Variants in ZNF333 observed in about 807,000 individuals in gnomAD.
ZNF333 encodes the protein zinc finger protein 333.
A neutral mutation model predicts 76.1 loss-of-function variants in ZNF333; 61 were observed. The observed-to-expected ratio is 0.80, with a 90% confidence interval of 0.65 to 0.99. The LOEUF (loss-of-function observed/expected upper bound fraction) is 0.99. Ranked by LOEUF, ZNF333 falls within the 50% of genes least tolerant of loss-of-function variation. The probability of loss-of-function intolerance (pLI) is 0.00; values close to 1 mark genes in which losing one functional copy is unlikely to be tolerated. For synonymous variants in ZNF333, 284 were observed against 305.0 expected, an observed-to-expected ratio of 0.93 and a Z score of 0.72; for missense variants, 717 against 822.4, an observed-to-expected ratio of 0.87 and a Z score of 1.57.
intron 4 of ZNF333, among the ~76,000 whole-genome samples, chr19:14,696,355 C>T (rs1973189178): frequency 6.6e-6 from 1 of 152,162 alleles, no homozygotes; most frequent in Non-Finnish European, 1.5e-5. Flanking sequence ...ATTACCCCTC[C>T]CTCAGCCCCT....
chr19:14,708,498 C>A, intron 7 of ZNF333: 1 of 398,370 alleles, frequency 2.5e-6, no homozygotes, highest in Non-Finnish European at 4.5e-6. Context: ...TCTCAGGGGA[C>A]GGGAGAGTTC....
intron 7 of ZNF333, among the ~76,000 whole-genome samples, chr19:14,714,442 C>T (rs1006756533): frequency 2.0e-5 from 3 of 152,082 alleles, no homozygotes; most frequent in Non-Finnish European, 4.4e-5. Flanking sequence ...TGGCCGCCAC[C>T]AGAAGCCAGG....
Position 14,699,190 on chromosome 19 carries a change from T to C in ZNF333, c.224-9T>C. On this transcript the variant is annotated splice_polypyrimidine_tract_variant and intron_variant, in intron 4 of 11. Coordinates refer to ENST00000292530, the MANE Select transcript of ZNF333 (RefSeq NM_032433.4). ...GAAAGGAGTTCATTTTTTCTCCCAT[T>C]CATTTCAGCCTGGGAATCTCAACTT... 6.2e-7 allele frequency: 1 copy of C among 1,611,290 alleles called. No homozygotes were observed. Among genetic ancestry groups the C allele is most frequent in the Non-Finnish European group, 8.5e-7 (1 of 1,177,592 alleles).
chr19:14,719,603 T>C lies in ZNF333; in HGVS notation c.*278T>C. ...TGGATGAGTTTGACAGATGCATACA[T>C]GCATGTAACCACCACCCCATTCCAG... On this transcript the variant is annotated 3_prime_UTR_variant, in exon 12 of 12. Transcript: ENST00000292530. 8.6e-7 allele frequency: 1 copy of C among 1,157,506 alleles called. No homozygotes were observed. The highest frequency in any genetic ancestry group is 1.1e-6 in the Non-Finnish European group (1 of 928,124). 71.7% of individuals were successfully genotyped at this position (1,157,506 alleles called of 1,614,324 possible). A position where few individuals can be genotyped will look rare whatever the true frequency, so the allele number is the denominator to read the frequency against.
chr19:14,722,464 G>T, downstream of ZNF333, among the ~76,000 whole-genome samples: 1 of 152,140 alleles, frequency 6.6e-6, no homozygotes, highest in East Asian at 1.9e-4. Context: ...TTAGTTTTTT[G>T]TTGTTGTTGA....
intron 3 of ZNF333, 95 bp from the exon 4 acceptor site, chr19:14,695,471 T>C: frequency 8.4e-7 from 1 of 1,195,104 alleles, no homozygotes; most frequent in Admixed American, 1.9e-5. Flanking sequence ...GAAGCCCATA[T>C]TGAAGCTGAA....
intron 7 of ZNF333, chr19:14,714,667 C>G (rs2042374628): frequency 6.6e-6 from 1 of 152,372 alleles, no homozygotes; most frequent in South Asian, 2.1e-4. Flanking sequence ...GGGAAAGGTC[C>G]CATCGGGAGG....
At chr19:14,698,330 T>A (rs575642737) in intron 4 of ZNF333, among the ~76,000 whole-genome samples, 2 of 131,782 alleles carry the variant, frequency 1.5e-5, no homozygotes, top group African/African-American at 5.9e-5. Context: ...GCCGAGATCA[T>A]GCCATTGTAC....
intron 7 of ZNF333, chr19:14,708,491 CAG>C (rs1355960510): frequency 1.3e-5 from 4 of 319,276 alleles, no homozygotes; most frequent in African/African-American, 1.2e-4. Flanking sequence ...GACTTCATCT[CAG>C]GGGACGGGAG....
intron 10 of ZNF333, 121 bp from the exon 11 acceptor site, chr19:14,717,535 CG>C: frequency 1.3e-6 from 1 of 766,670 alleles, no homozygotes; most frequent in Admixed American, 2.4e-5. Context: ...AATTTCTTCC[CG>C]TACATAGGAC....
Position 14,719,486 on chromosome 19 carries a change from T to A in ZNF333, c.*161T>A. 1 of 1,113,972 alleles carries A rather than the reference T, an allele frequency of 9.0e-7. No individual in the cohort carries two copies. Among genetic ancestry groups the A allele is most frequent in the Admixed American group, 3.2e-5 (1 of 31,450 alleles). The allele number at this position is 1,113,972 out of a possible 1,614,324, so 69.0% of individuals were successfully genotyped here. A position where few individuals can be genotyped will look rare whatever the true frequency, so the allele number is the denominator to read the frequency against. ...GTTTATTCTTTGACCCATCTATTAT[T>A]TGGAATTAGATTTTTCAAAACTAAT... On this transcript the variant is annotated 3_prime_UTR_variant, in exon 12 of 12. Coordinates refer to ENST00000292530, the MANE Select transcript of ZNF333 (RefSeq NM_032433.4).
chr19:14,699,844 T>C (rs1815707704), intron 5 of ZNF333, among the ~76,000 whole-genome samples: 1 of 152,076 alleles, frequency 6.6e-6, no homozygotes. Context: ...AGAAGCCCCA[T>C]TGTGAATAGG....
chr19:14,717,122 C>G, intron 10 of ZNF333, 33 bp downstream of exon 10: 1 of 1,565,318 alleles, frequency 6.4e-7, no homozygotes, highest in Non-Finnish European at 8.7e-7. Context: ...AGCATCAGCT[C>G]TGGTCAGTAA....
chr19:14,712,820 C>A (rs2042317379), intron 7 of ZNF333, among the ~76,000 whole-genome samples: 1 of 152,194 alleles, frequency 6.6e-6, no homozygotes, highest in African/African-American at 2.4e-5. Flanking sequence ...CAACTCATTA[C>A]ATCTGCAACA....
In ZNF333 at chr19:14,695,052, G is replaced by A. The variant is rs1024137105; in HGVS notation, c.46G>A (p.Glu16Lys). The A allele has an allele frequency of 1.9e-6, 3 of 1,614,138 alleles. No individual in the cohort carries two copies. The highest frequency in any genetic ancestry group is 1.7e-6 in the Non-Finnish European group (2 of 1,180,000). Reference protein sequence around the residue: ...FEDVAVEFIQEWALLDSARRS... With the variant: ...FEDVAVEFIQKWALLDSARRS... ...GGATGTGGCCGTGGAGTTCATCCAG[G>A]AGTGGGCATTGCTGGACAGCGCACG... The change falls in exon 3 of 12, where the codon GAG becomes AAG. Residue 16 changes from glutamate to lysine, a missense_variant. Coordinates refer to ENST00000292530, the MANE Select transcript of ZNF333 (RefSeq NM_032433.4).
chr19:14,718,215 C>T lies in ZNF333; in HGVS notation c.901-13C>T. ...ATAAGGCCTTTGGTCTTCACATTTT[C>T]CTTCATCGACAGGAGCAACCTCAGC... is the stretch of plus-strand genomic sequence containing the variant. On this transcript the variant is annotated splice_polypyrimidine_tract_variant and intron_variant, in intron 11 of 11. Coordinates refer to ENST00000292530, the MANE Select transcript of ZNF333 (RefSeq NM_032433.4). 6.3e-7 allele frequency: 1 copy of T among 1,591,962 alleles called. No homozygotes were observed. The highest frequency in any genetic ancestry group is 1.7e-4 in the Middle Eastern group (1 of 5,938).
chr19:14,713,199 A>G (rs1444213301), intron 7 of ZNF333, among the ~76,000 whole-genome samples: 1 of 152,170 alleles, frequency 6.6e-6, no homozygotes, highest in Admixed American at 6.6e-5. Flanking sequence ...CTGCTTCCAA[A>G]ATACGGTGAT....
intron 1 of ZNF333, among the ~76,000 whole-genome samples, chr19:14,692,355 G>C (rs1972837309): frequency 6.6e-6 from 1 of 152,150 alleles, no homozygotes; most frequent in Non-Finnish European, 1.5e-5. Context: ...GAACATTCCA[G>C]ATGTACAGTC....
intron 1 of ZNF333, among the ~76,000 whole-genome samples, chr19:14,691,676 C>CTTTTTTTT (rs71166784): frequency 2.5e-5 from 3 of 121,982 alleles, no homozygotes; most frequent in Non-Finnish European, 3.3e-5. Context: ...GTCATATTGT[C>CTTTTTTTT]TTTTTTTTTT....
Sources: gnomAD v4.1 joint callset for allele counts (sites outside exome capture counted in the v4.1 genomes callset) on GRCh38, gnomAD v4.1.1 for gene constraint, MANE v1.5 for transcripts, NCBI Gene and HGNC (gene_info 2026-07-23, HGNC 2026-07-21) for gene names.